DLGAP1: variants seen among roughly 807,000 people sequenced by gnomAD.
DLGAP1 encodes DLG associated protein 1.
Under a neutral mutation model 90.8 loss-of-function variants are expected in DLGAP1, and 11 were observed. The ratio of observed to expected loss-of-function variants is 0.12; its 90% confidence interval spans 0.08 to 0.20. The LOEUF (loss-of-function observed/expected upper bound fraction) is 0.20, where lower values mean the gene tolerates loss of function less well. DLGAP1 is among the 10% of genes least tolerant of loss of function. DLGAP1 has a pLI of 1.00. For missense variants in DLGAP1, 1,050 were observed against 1,333.8 expected (o/e 0.79, Z 3.31); for synonymous variants, 558 against 540.7 (o/e 1.03, Z -0.44).
chr18:4,131,206 G>A (rs1598452447), intron 2 of DLGAP1, among the ~76,000 whole-genome samples: 1 of 151,940 alleles, frequency 6.6e-6, no homozygotes, highest in Admixed American at 6.6e-5. Flanking sequence ...GCGTGTGTGT[G>A]TGTGTGCGTG....
At chr18:3,578,943 A>G (rs1032825786) in intron 8 of DLGAP1, among the ~76,000 whole-genome samples, 5 of 152,218 alleles carry the variant, frequency 3.3e-5, no homozygotes, top group Admixed American at 2.6e-4. Flanking sequence ...ATTCACTAAA[A>G]TATCCAACTA....
At chr18:4,228,988 T>G (rs565536309) in intron 1 of DLGAP1, among the ~76,000 whole-genome samples, 1 of 152,128 alleles carries the variant, frequency 6.6e-6, no homozygotes, top group African/African-American at 2.4e-5. Context: ...TTCAATAAAG[T>G]TGAAGGATAC....
intron 3 of DLGAP1, among the ~76,000 whole-genome samples, chr18:4,002,270 AG>A (rs2074202739): frequency 6.7e-6 from 1 of 148,174 alleles, no homozygotes; most frequent in South Asian, 2.1e-4. Flanking sequence ...GTACTTTATT[AG>A]TAAGCATCTA....
At chr18:3,612,526 T>C (rs1414712214) in intron 7 of DLGAP1, among the ~76,000 whole-genome samples, 1 of 152,162 alleles carries the variant, frequency 6.6e-6, no homozygotes, top group Non-Finnish European at 1.5e-5. Context: ...GATGATGCCA[T>C]CCCGTATCCA....
Position 3,879,510 on chromosome 18 carries a change from G to C in DLGAP1, c.559C>G (p.Arg187Gly), listed in dbSNP as rs1568274774. The stretch of plus-strand genomic sequence containing the variant: ...GGCCGGGCCTTGGGCTCCGCGCGCC[G>C]CTCCTTGCTCTTGCTGCGTTTGCCA... ...RYGKRSKSKE[R>G]RAEPKARPST... Residue 187 changes from arginine to glycine, a missense_variant, in exon 4 of 13, where the codon CGG (arginine) becomes GGG (glycine). Arg to Gly is a moderately radical substitution (Grantham distance 125). This residue lies in a region of DLGAP1 where 485 missense variants were observed against 454.1 expected (regional missense o/e 1.07). Coordinates refer to ENST00000315677, the MANE Select transcript of DLGAP1 (RefSeq NM_004746.4). This position sits in a 1 kb window ranked among gnomAD's most constrained non-coding sequence, Gnocchi z 6.6. 1.9e-6 allele frequency: 3 copies of C among 1,602,684 alleles called. No individual in the cohort carries two copies. The highest frequency in any genetic ancestry group is 2.5e-6 in the Non-Finnish European group (3 of 1,179,468).
intron 11 of DLGAP1, among the ~76,000 whole-genome samples, chr18:3,505,108 T>C (rs2050142970): frequency 9.4e-6 from 1 of 106,300 alleles, no homozygotes; most frequent in African/African-American, 3.2e-5. Flanking sequence ...TGACCAATCA[T>C]GGTGCCACTT....
intron 3 of DLGAP1, among the ~76,000 whole-genome samples, chr18:3,915,665 C>T (rs1283246101): frequency 6.6e-6 from 1 of 152,128 alleles, no homozygotes; most frequent in Non-Finnish European, 1.5e-5. Flanking sequence ...AAAGTTAAAA[C>T]AAGGAAAACA....
At position 4,193,892 on chromosome 18, in the gene DLGAP1, G is replaced by A. The variant is rs182350639; in HGVS notation, c.-266-42605C>T. Among the ~76,000 whole-genome samples the A allele has an allele frequency of 5.1e-4, 78 of 152,176 alleles. 1 individual carries two copies. The highest frequency in any genetic ancestry group is 1.7e-3 in the African/African-American group (72 of 41,534). On this transcript the variant is annotated intron_variant, in intron 1 of 12. Transcript: ENST00000315677. The stretch of plus-strand genomic sequence containing the variant: ...AAAGGACTTAGATCTTTAATATAAC[G>A]TGAAAATCTGGAAATTAAACAGAAT...
chr18:4,157,748 G>A (rs940895561), intron 1 of DLGAP1, among the ~76,000 whole-genome samples: 3 of 152,148 alleles, frequency 2.0e-5, no homozygotes, highest in Non-Finnish European at 2.9e-5. Flanking sequence ...TGAATTCTGG[G>A]GGATGCACAA....
chr18:3,547,519 C>G (rs984974901), intron 9 of DLGAP1, among the ~76,000 whole-genome samples: 1 of 151,688 alleles, frequency 6.6e-6, no homozygotes, highest in African/African-American at 2.4e-5. Context: ...AAAAGACAAT[C>G]AACATCATTA....
chr18:3,918,393 A>T (rs1274945798), intron 3 of DLGAP1, among the ~76,000 whole-genome samples: 1 of 152,244 alleles, frequency 6.6e-6, no homozygotes, highest in African/African-American at 2.4e-5. Context: ...TTTGAGTCTC[A>T]GTTTCTTCTG....
intron 11 of DLGAP1, among the ~76,000 whole-genome samples, chr18:3,508,076 C>T (rs918299637): frequency 6.6e-6 from 1 of 151,704 alleles, no homozygotes; most frequent in Non-Finnish European, 1.5e-5. Context: ...AGGATGAATT[C>T]TTCATTTGTT....
At chr18:4,170,671 G>A (rs992013293) in intron 1 of DLGAP1, among the ~76,000 whole-genome samples, 2 of 152,120 alleles carry the variant, frequency 1.3e-5, no homozygotes, top group African/African-American at 4.8e-5. Flanking sequence ...GCAAATCTGA[G>A]TGGGGAAAAA....
At chr18:3,847,844 G>T (rs1010433871) in intron 4 of DLGAP1, among the ~76,000 whole-genome samples, 8 of 152,102 alleles carry the variant, frequency 5.3e-5, no homozygotes, top group African/African-American at 1.9e-4. Context: ...ATGAAATGAG[G>T]TTTGTGAATT....
At chr18:4,419,213 G>A (rs1598391779) in intron 1 of DLGAP1, among the ~76,000 whole-genome samples, 1 of 152,104 alleles carries the variant, frequency 6.6e-6, no homozygotes, top group African/African-American at 2.4e-5. Context: ...ATCAGATCTC[G>A]TGAGACCCAT....
At chr18:3,963,574 C>A (rs1021045523) in intron 3 of DLGAP1, among the ~76,000 whole-genome samples, 4 of 134,018 alleles carry the variant, frequency 3.0e-5, no homozygotes, top group African/African-American at 1.1e-4. Flanking sequence ...CTTCTGTGTA[C>A]TTTGGGCTGT....
chr18:3,563,898 T>C (rs1256172678), intron 9 of DLGAP1, among the ~76,000 whole-genome samples: 1 of 152,234 alleles, frequency 6.6e-6, no homozygotes, highest in African/African-American at 2.4e-5. Flanking sequence ...TTTGTTTCTA[T>C]TAGAGTGTTT....
chr18:4,053,712 C>T (rs1362732118), intron 2 of DLGAP1, among the ~76,000 whole-genome samples: 4 of 152,102 alleles, frequency 2.6e-5, no homozygotes, highest in African/African-American at 9.7e-5. Flanking sequence ...CCTGCAGAAC[C>T]GTGAGCCAAT....
intron 7 of DLGAP1, among the ~76,000 whole-genome samples, chr18:3,624,509 G>T (rs73381292): frequency 0.041 from 6,293 of 152,270 alleles, 420 homozygotes; most frequent in African/African-American, 0.14. Flanking sequence ...CGACAGCCTG[G>T]CCCTGCTGGC....
Sources: gnomAD v4.1 joint callset for allele counts (sites outside exome capture counted in the v4.1 genomes callset) on GRCh38, gnomAD v4.1.1 for gene constraint, gnomAD v4.1.1 regional missense constraint, Gnocchi (gnomAD v3.1) non-coding constraint, MANE v1.5 for transcripts, NCBI Gene and HGNC (gene_info 2026-07-23, HGNC 2026-07-21) for gene names.